The following ZNF592 variants were observed in gnomAD, a reference collection of about 807,000 sequenced individuals.
The protein encoded by ZNF592 is spinocerebellar ataxia, autosomal recessive 5.
Under a neutral mutation model 80.3 loss-of-function variants are expected in ZNF592, and 11 were observed. The observed-to-expected ratio is 0.14, with a 90% CI of 0.09 to 0.23. The LOEUF is 0.23. ZNF592 is among the 10% of genes least tolerant of loss of function. ZNF592 has a pLI of 1.00. For missense variants in ZNF592, 1,420 were observed against 1,633.9 expected (o/e 0.87, Z 2.26); for synonymous variants, 646 against 640.3 (o/e 1.01, Z -0.13).
intron 1 of ZNF592, chr15:84,753,130 T>A (rs1188558512): frequency 6.6e-6 from 1 of 152,234 alleles, no homozygotes; most frequent in Non-Finnish European, 1.5e-5. Context: ...CTGTATTGTT[T>A]ATGTGGGATC....
rs147446888 is a variant in ZNF592 at position 84,797,714 on chromosome 15, G to T, written c.2400-155G>T. ...ACTGTAGCAAGCAGACCCTCAGGAC[G>T]TACTTGTCAAGGGTGGAAGTCCAAG... On this transcript the variant is annotated intron_variant, in intron 5 of 10. Coordinates refer to ENST00000560079, the MANE Select transcript of ZNF592 (RefSeq NM_014630.3). Among the ~76,000 whole-genome samples, 602 of 152,298 alleles carry T rather than the reference G, an allele frequency of 4.0e-3. 2 individuals carry two copies. Among genetic ancestry groups the T allele is most frequent in the African/African-American group, 0.014 (573 of 41,554 alleles).
Position 84,805,001 on chromosome 15 carries a change from G to C in ZNF592, c.*2608G>C, listed in dbSNP as rs906642283. The C allele has an allele frequency of 6.6e-6, 1 of 152,178 alleles. No homozygotes were observed. Among genetic ancestry groups the C allele is most frequent in the Non-Finnish European group, 1.5e-5 (1 of 68,026 alleles). 9.4% of individuals were successfully genotyped at this position (152,178 alleles called of 1,614,324 possible). ...AGCCTGTCAACCACTGTGCTCGTTA[G>C]TGACCAAGGCTGCTTTGACAGGCTG... is the stretch of plus-strand genomic sequence containing the variant. On this transcript the variant is annotated 3_prime_UTR_variant, in exon 11 of 11. Coordinates refer to ENST00000560079, the MANE Select transcript of ZNF592 (RefSeq NM_014630.3).
Position 84,784,182 on chromosome 15 carries a change from G to T in ZNF592, c.1507G>T (p.Val503Leu), listed in dbSNP as rs776744587. ...LAPANLLPKA[V>L]HLANLNLVPH... ...CCCTGCCAACCTCCTGCCCAAAGCC[G>T]TGCACTTGGCCAACCTGAACCTCGT... is the stretch of plus-strand genomic sequence containing the variant. Residue 503 changes from valine (V) to leucine (L), a missense_variant, in exon 4 of 11, where the codon GTG becomes TTG. This residue lies in a region of ZNF592 where 524 missense variants were observed against 628.3 expected (regional missense o/e 0.83). Transcript: ENST00000560079. The surrounding 1 kb of genome is among the most constrained non-coding windows in gnomAD (Gnocchi z 5.8). The T allele has an allele frequency of 1.9e-6, 3 of 1,614,144 alleles. No individual in the cohort carries two copies. The highest frequency in any genetic ancestry group is 2.2e-5 in the East Asian group (1 of 44,874).
chr15:84,789,470 A>T (rs940856049), intron 4 of ZNF592, among the ~76,000 whole-genome samples: 1 of 152,166 alleles, frequency 6.6e-6, no homozygotes, highest in Non-Finnish European at 1.5e-5. Context: ...TTGCTAGATC[A>T]TATGGTACTT....
rs1254420253 is a variant in ZNF592, at chr15:84,748,607, G to A, written c.-316G>A. On this transcript the variant is annotated 5_prime_UTR_variant, in exon 1 of 11. Coordinates refer to ENST00000560079, the MANE Select transcript of ZNF592 (RefSeq NM_014630.3). ...TCGCCATGTTGTGGCTCCCGCAGCC[G>A]GCGCTGGGGACGCGCGCGGCCGAGA... The A allele has an allele frequency of 3.4e-5, 5 of 147,048 alleles. No homozygotes were observed. Among genetic ancestry groups the A allele is most frequent in the South Asian group, 1.8e-4 (1 of 5,486 alleles). 9.1% of individuals were successfully genotyped at this position (147,048 alleles called of 1,614,324 possible). A position where few individuals can be genotyped will look rare whatever the true frequency, so the allele number is the denominator to read the frequency against.
chr15:84,770,921 A>T lies in ZNF592; in HGVS notation c.-150+6106A>T, dbSNP rs1899680418. The stretch of plus-strand genomic sequence containing the variant: ...AGTCTTGTTAGAATGTTCGCAGTAT[A>T]ATTCTGTCCTTGAAATCTTTGGTTG... On this transcript the variant is annotated intron_variant, in intron 2 of 10. Transcript: ENST00000560079. Among the ~76,000 whole-genome samples the T allele has an allele frequency of 2.0e-5, 3 of 152,168 alleles. No homozygotes were observed. In the South Asian group the frequency reaches 6.2e-4, roughly 32 times the overall value.
chr15:84,753,615 G>A (rs1022395867), intron 1 of ZNF592: 1 of 152,218 alleles, frequency 6.6e-6, no homozygotes, highest in African/African-American at 2.4e-5. Flanking sequence ...TGGGACTACA[G>A]GCGTGCGCCA....
In ZNF592 at chr15:84,783,787, C is replaced by G; in HGVS notation, c.1112C>G (p.Ala371Gly). 1 of 1,614,216 alleles carries G rather than the reference C, an allele frequency of 6.2e-7. No individual in the cohort carries two copies. Residue 371 changes from alanine to glycine, a missense_variant, in exon 4 of 11, where the codon GCA (alanine) becomes GGA (glycine). Ala to Gly is a moderately conservative substitution (Grantham distance 60). Transcript: ENST00000560079. This position sits in a 1 kb window ranked among gnomAD's most constrained non-coding sequence, Gnocchi z 5.0. ...SPSVAASSPP[A>G]IPKVRIKTIK... is the part of the protein sequence containing the mutation. ...TCTGTGGCTGCCAGCTCCCCACCAG[C>G]AATTCCCAAAGTGAGAATCAAAACC...
In ZNF592 at chr15:84,798,372, G is replaced by C. The variant is rs1210781157; in HGVS notation, c.2634G>C (p.Gln878His). The C allele has an allele frequency of 6.2e-7, 1 of 1,614,244 alleles. No individual in the cohort carries two copies. Among genetic ancestry groups the C allele is most frequent in the Non-Finnish European group, 8.5e-7 (1 of 1,180,044 alleles). ...TCAACAAGAAGAGGCACATTCAGCA[G>C]CATTTTTACCAGAATGTCAGCAAGA... ...MVFNKKRHIQ[Q>H]HFYQNVSKTQ... The change falls in exon 7 of 11, where the codon CAG (glutamine) becomes CAC (histidine). Residue 878 changes from glutamine to histidine, a missense_variant. Around this residue, in one of 7 missense-constraint regions of ZNF592, gnomAD observed 331 missense variants for 347.0 expected, o/e 0.95. Coordinates refer to ENST00000560079, the MANE Select transcript of ZNF592 (RefSeq NM_014630.3). This position sits in a 1 kb window ranked among gnomAD's most constrained non-coding sequence, Gnocchi z 4.5.
chr15:84,766,873 T>TAA (rs1899543020), intron 2 of ZNF592, among the ~76,000 whole-genome samples: 1 of 152,142 alleles, frequency 6.6e-6, no homozygotes, highest in Non-Finnish European at 1.5e-5. Flanking sequence ...ATGCTCCTCG[T>TAA]GTCCCTCCAG....
chr15:84,768,234 T>C (rs184582541), intron 2 of ZNF592, among the ~76,000 whole-genome samples: 19,228 of 127,610 alleles, frequency 0.15, 1,345 homozygotes, highest in Middle Eastern at 0.28. Context: ...TTCTTTCTTT[T>C]TTTTTTTTTT....
chr15:84,796,296 A>ATATATATAT (rs1567076462), intron 5 of ZNF592, among the ~76,000 whole-genome samples: 2 of 40,144 alleles, frequency 5.0e-5, no homozygotes, highest in Admixed American at 3.3e-4. Context: ...TATATATATA[A>ATATATATAT]AAAAACGAAG....
At chr15:84,796,252 ATATATATATATATTT>A (rs1415819530) in intron 5 of ZNF592, among the ~76,000 whole-genome samples, 2 of 22,828 alleles carry the variant, frequency 8.8e-5, no homozygotes, top group African/African-American at 4.8e-4. Flanking sequence ...ATATATATAT[ATATATATATATATTT>A]TATATATATA....
Position 84,780,638 on chromosome 15 carries a change from A to G in ZNF592, c.-19-2019A>G, listed in dbSNP as rs577041542. 3.3e-5 allele frequency among the ~76,000 whole-genome samples: 5 copies of G among 152,324 alleles called. No homozygotes were observed. In the South Asian group the frequency reaches 1.0e-3, roughly 32 times the overall value. On this transcript the variant is annotated intron_variant, in intron 3 of 10. Transcript: ENST00000560079. ...GTTTTCATTTTCTGTGAGAACTCAT[A>G]TGCAGGCAGATGTGTTTTGCTGGGA...
At chr15:84,759,959 C>A (rs1035142931) in intron 1 of ZNF592, among the ~76,000 whole-genome samples, 7 of 43,460 alleles carry the variant, frequency 1.6e-4, no homozygotes, top group African/African-American at 3.6e-4. Context: ...GAGATTCCCC[C>A]CCCCCCCACC....
chr15:84,778,909 T>C (rs1962343521), intron 3 of ZNF592, among the ~76,000 whole-genome samples: 1 of 152,210 alleles, frequency 6.6e-6, no homozygotes, highest in African/African-American at 2.4e-5. Context: ...TCCTGGCCCA[T>C]GAACCAAAAT....
At chr15:84,800,424 C>T (rs918414669) in intron 10 of ZNF592, among the ~76,000 whole-genome samples, 2 of 152,126 alleles carry the variant, frequency 1.3e-5, no homozygotes, top group African/African-American at 4.8e-5. Context: ...GGCCCCTTGC[C>T]CTATGACCTC....
In ZNF592 at chr15:84,798,443, T is replaced by A; in HGVS notation, c.2705T>A (p.Val902Glu). The A allele has an allele frequency of 6.2e-7, 1 of 1,614,092 alleles. No homozygotes were observed. Among genetic ancestry groups the A allele is most frequent in the Admixed American group, 1.7e-5 (1 of 60,026 alleles). The change falls in exon 7 of 11, where the codon GTG (valine) becomes GAG (glutamate). Residue 902 changes from valine to glutamate, a missense_variant. This residue lies in a region of ZNF592 where 331 missense variants were observed against 347.0 expected (regional missense o/e 0.95). Transcript: ENST00000560079. The surrounding 1 kb of genome is among the most constrained non-coding windows in gnomAD (Gnocchi z 4.5). ...FKCPECPLLF[V>E]QKPELMQHVK... is the part of the protein sequence containing the mutation. ...TGCCCTGAGTGCCCACTCTTGTTCG[T>A]GCAGAAGCCGGAGTTGATGCAACAC...
rs182485949 is a variant in ZNF592, at chr15:84,790,178, T to A, written c.2221-527T>A. 1.1e-4 allele frequency among the ~76,000 whole-genome samples: 16 copies of A among 146,444 alleles called. No homozygotes were observed. In the East Asian group the frequency reaches 3.1e-3, roughly 29 times the overall value. ...AATGGAAACTGACAAGACCACTCAG[T>A]CAGTCTTTATTGAGAGCCTTCTGAG... On this transcript the variant is annotated intron_variant, in intron 4 of 10. Transcript: ENST00000560079.
Sources: gnomAD v4.1 joint callset for allele counts (sites outside exome capture counted in the v4.1 genomes callset) on GRCh38, gnomAD v4.1.1 for gene constraint, gnomAD v4.1.1 regional missense constraint, Gnocchi (gnomAD v3.1) non-coding constraint, MANE v1.5 for transcripts, NCBI Gene and HGNC (gene_info 2026-07-23, HGNC 2026-07-21) for gene names.